The following PLCB1 variants were observed in gnomAD, a reference collection of about 807,000 sequenced individuals.
The protein encoded by PLCB1 is 1-phosphatidylinositol 4,5-bisphosphate phosphodiesterase beta-1.
In PLCB1, 46 loss-of-function variants were observed where a neutral mutation model predicts 161.8. The observed-to-expected ratio is 0.28, with a 90% CI of 0.22 to 0.36. The LOEUF is 0.36. PLCB1 is among the 10% of genes least tolerant of loss of function. PLCB1 has a pLI of 1.00. For missense variants in PLCB1, 1,016 were observed against 1,472.5 expected, an observed-to-expected ratio of 0.69 and a Z score of 5.07; for synonymous variants, 517 against 503.7, an observed-to-expected ratio of 1.03 and a Z score of -0.35.
chr20:8,733,825 T>TAATAAA (rs1280940042), intron 19 of PLCB1, among the ~76,000 whole-genome samples: 7 of 134,448 alleles, frequency 5.2e-5, no homozygotes, highest in Admixed American at 3.7e-4. Flanking sequence ...ATAATAATAA[T>TAATAAA]AAAAGTTTTG....
chr20:8,790,102 T>G (rs1229982241), intron 30 of PLCB1, 73 bp from the exon 31 acceptor site: 2 of 986,224 alleles, frequency 2.0e-6, no homozygotes, highest in Admixed American at 4.1e-5. Flanking sequence ...TCTGAAAAGC[T>G]TTCGGTATTT....
chr20:8,361,273 T>C (rs1986533181), intron 2 of PLCB1, among the ~76,000 whole-genome samples: 1 of 152,168 alleles, frequency 6.6e-6, no homozygotes, highest in Admixed American at 6.5e-5. Context: ...TATTAGTAGT[T>C]TTCTCATTGC....
chr20:8,135,125 G>A (rs1425173788), intron 1 of PLCB1, among the ~76,000 whole-genome samples: 1 of 152,086 alleles, frequency 6.6e-6, no homozygotes, highest in African/African-American at 2.4e-5. Flanking sequence ...ACAGTGTGTT[G>A]AAGACAAAAA....
intron 31 of PLCB1, among the ~76,000 whole-genome samples, chr20:8,834,529 C>CTGCT (rs897115245): frequency 7.9e-5 from 12 of 152,158 alleles, no homozygotes; most frequent in African/African-American, 2.9e-4. Flanking sequence ...AAGCCACAGG[C>CTGCT]TGCTGGTCAG....
chr20:8,352,502 G>T (rs1266114519), intron 2 of PLCB1, among the ~76,000 whole-genome samples: 2 of 151,924 alleles, frequency 1.3e-5, no homozygotes, highest in African/African-American at 4.8e-5. Flanking sequence ...ATAGAATTTT[G>T]CAGCACAAAA....
chr20:8,878,728 A>G (rs1987867134), intron 31 of PLCB1, among the ~76,000 whole-genome samples: 1 of 151,576 alleles, frequency 6.6e-6, no homozygotes, highest in South Asian at 2.1e-4. Context: ...TTCATTTTCT[A>G]TTTTTATTTA....
At chr20:8,301,218 G>T (rs1159985779) in intron 2 of PLCB1, among the ~76,000 whole-genome samples, 1 of 152,142 alleles carries the variant, frequency 6.6e-6, no homozygotes, top group Non-Finnish European at 1.5e-5. Context: ...GCCATGTTCT[G>T]CAATATCTTC....
At chr20:8,425,089 G>GC (rs1271189152) in intron 3 of PLCB1, among the ~76,000 whole-genome samples, 4 of 149,696 alleles carry the variant, frequency 2.7e-5, no homozygotes, top group Non-Finnish European at 4.4e-5. Flanking sequence ...GCAAACATCT[G>GC]ATTGGTTGCT....
intron 3 of PLCB1, among the ~76,000 whole-genome samples, chr20:8,455,380 T>C: frequency 6.7e-6 from 1 of 149,920 alleles, no homozygotes; most frequent in African/African-American, 2.4e-5. Context: ...AGGTAATTGC[T>C]ATACCATTAA....
At chr20:8,436,192 C>A (rs1243798264) in intron 3 of PLCB1, among the ~76,000 whole-genome samples, 1 of 151,886 alleles carries the variant, frequency 6.6e-6, no homozygotes, top group Non-Finnish European at 1.5e-5. Context: ...AAAAAGTTAG[C>A]CAGGCATGGT....
At chr20:8,269,236 C>A (rs1039224503) in intron 2 of PLCB1, among the ~76,000 whole-genome samples, 10 of 152,078 alleles carry the variant, frequency 6.6e-5, no homozygotes, top group African/African-American at 2.4e-4. Flanking sequence ...CCTACCCCAT[C>A]CCCCCAACCC....
At chr20:8,571,770 G>A (rs146758609) in intron 3 of PLCB1, among the ~76,000 whole-genome samples, 33 of 152,274 alleles carry the variant, frequency 2.2e-4, no homozygotes, top group African/African-American at 7.9e-4. Flanking sequence ...TGAGGAAAAC[G>A]AGGGAAGATT....
intron 23 of PLCB1, among the ~76,000 whole-genome samples, chr20:8,744,624 A>ATAAAATTAAAT (rs1555787589): frequency 2.8e-5 from 4 of 144,588 alleles, no homozygotes; most frequent in Non-Finnish European, 6.0e-5. Flanking sequence ...AATAAATAAA[A>ATAAAATTAAAT]TAAAATAAAA....
At chr20:8,849,714 A>G (rs1375739571) in intron 31 of PLCB1, among the ~76,000 whole-genome samples, 1 of 70,706 alleles carries the variant, frequency 1.4e-5, no homozygotes, top group African/African-American at 3.7e-5. Context: ...AAGAAAATAT[A>G]AAAAAAAGAA....
chr20:8,520,453 C>A (rs909968304), intron 3 of PLCB1, among the ~76,000 whole-genome samples: 1 of 151,888 alleles, frequency 6.6e-6, no homozygotes, highest in Non-Finnish European at 1.5e-5. Flanking sequence ...TCTTTGTTCA[C>A]CTCCTCCATA....
At chr20:8,188,459 G>T (rs1457239856) in intron 2 of PLCB1, among the ~76,000 whole-genome samples, 4 of 152,092 alleles carry the variant, frequency 2.6e-5, no homozygotes, top group Non-Finnish European at 5.9e-5. Context: ...GGTTGGTTAC[G>T]TGCAAATGCC....
chr20:8,660,196 C>T (rs2123326993), intron 9 of PLCB1, among the ~76,000 whole-genome samples: 1 of 152,004 alleles, frequency 6.6e-6, no homozygotes, highest in Non-Finnish European at 1.5e-5. Context: ...AAACAACTAG[C>T]CCAACAGTAT....
At chr20:8,456,201 G>A (rs775714384) in intron 3 of PLCB1, among the ~76,000 whole-genome samples, 27 of 152,182 alleles carry the variant, frequency 1.8e-4, no homozygotes, top group Middle Eastern at 6.8e-3. Context: ...AGCATACAAC[G>A]ACTAAGAAAA....
At chr20:8,205,870 G>A (rs1212118097) in intron 2 of PLCB1, among the ~76,000 whole-genome samples, 1 of 152,000 alleles carries the variant, frequency 6.6e-6, no homozygotes, top group Non-Finnish European at 1.5e-5. Context: ...ATGGCTTTGA[G>A]TGTGCATTAT....
Sources: gnomAD v4.1 joint callset for allele counts (sites outside exome capture counted in the v4.1 genomes callset) on GRCh38, gnomAD v4.1.1 for gene constraint, MANE v1.5 for transcripts, NCBI Gene and HGNC (gene_info 2026-07-23, HGNC 2026-07-21) for gene names.